The following FAM168A variants were observed in gnomAD, a reference collection of about 807,000 sequenced individuals.
FAM168A encodes the protein family with sequence similarity 168 member A.
In FAM168A, 3 loss-of-function variants were observed where a neutral mutation model predicts 28.5. The ratio of observed to expected loss-of-function variants is 0.11; its 90% CI spans 0.05 to 0.27. The LOEUF is 0.27. FAM168A is among the 10% of genes least tolerant of loss of function. The probability of loss-of-function intolerance (pLI) is 1.00; values close to 1 mark genes in which losing one functional copy is unlikely to be tolerated. For missense variants in FAM168A, 222 were observed against 311.5 expected (o/e 0.71, Z 2.16); for synonymous variants, 122 against 124.2 (o/e 0.98, Z 0.12).
At chr11:73,414,926 ACTTTC>A (rs1215008464) in intron 4 of FAM168A, among the ~76,000 whole-genome samples, 1 of 152,204 alleles carries the variant, frequency 6.6e-6, no homozygotes, top group East Asian at 1.9e-4. Context: ...GATGCTGATG[ACTTTC>A]CTTTATGCTC....
intron 3 of FAM168A, among the ~76,000 whole-genome samples, chr11:73,428,537 C>G (rs1223937187): frequency 6.6e-6 from 1 of 152,176 alleles, no homozygotes; most frequent in Non-Finnish European, 1.5e-5. Context: ...CTTACTTGAC[C>G]TTTTGCAACA....
intron 1 of FAM168A, among the ~76,000 whole-genome samples, chr11:73,485,597 C>T (rs1868042590): frequency 6.6e-6 from 1 of 152,140 alleles, no homozygotes; most frequent in African/African-American, 2.4e-5. Context: ...AGCTTTTTTA[C>T]TAAATTTACT....
chr11:73,423,123 T>C (rs1866826812), intron 3 of FAM168A, among the ~76,000 whole-genome samples: 1 of 152,234 alleles, frequency 6.6e-6, no homozygotes, highest in East Asian at 1.9e-4. Context: ...TGCTTCATAG[T>C]ACTGATGTGA....
intron 1 of FAM168A, among the ~76,000 whole-genome samples, chr11:73,530,694 G>A (rs899007370): frequency 6.6e-6 from 1 of 152,048 alleles, no homozygotes. Flanking sequence ...CTTTTAAGTA[G>A]TTAAAAACCT....
chr11:73,573,290 G>A (rs1944129303), intron 1 of FAM168A, among the ~76,000 whole-genome samples: 1 of 152,174 alleles, frequency 6.6e-6, no homozygotes, highest in South Asian at 2.1e-4. Context: ...CATCATGACG[G>A]AAGCTACAGT....
chr11:73,477,003 A>G (rs952604127), intron 1 of FAM168A, among the ~76,000 whole-genome samples: 2 of 152,194 alleles, frequency 1.3e-5, no homozygotes, highest in African/African-American at 2.4e-5. Context: ...ATTAGGTGGG[A>G]AAAATGGGAA....
rs548075811 is a variant in FAM168A, at chr11:73,505,241, G to GA, written c.-18-36750dup. On this transcript the variant is annotated intron_variant, in intron 1 of 7. Coordinates refer to ENST00000356467, the MANE Select transcript of FAM168A (RefSeq NM_015159.3). The stretch of plus-strand genomic sequence containing the variant: ...AAAAGTCATGGAGTTTTGCAAAAAG[G>GA]AAAAAAAAAAAAAAGAGCAAGGACT... 2.5e-3 allele frequency among the ~76,000 whole-genome samples: 324 copies of GA among 131,056 alleles called. 4 individuals carry two copies. The highest frequency in any genetic ancestry group is 0.023 in the South Asian group (94 of 4,040). 86.0% of individuals were successfully genotyped at this position (131,056 alleles called of 152,430 possible).
chr11:73,494,372 T>C (rs776166723), intron 1 of FAM168A, among the ~76,000 whole-genome samples: 2 of 152,160 alleles, frequency 1.3e-5, no homozygotes, highest in Non-Finnish European at 2.9e-5. Flanking sequence ...ACAAGAGATC[T>C]CCTGTGCTTA....
At chr11:73,523,647 C>G (rs1021672483) in intron 1 of FAM168A, among the ~76,000 whole-genome samples, 1 of 151,762 alleles carries the variant, frequency 6.6e-6, no homozygotes, top group Admixed American at 6.6e-5. Flanking sequence ...GGTTTCGCCA[C>G]GTTGCCCAGG....
At chr11:73,514,306 T>C (rs1321466329) in intron 1 of FAM168A, among the ~76,000 whole-genome samples, 3 of 152,036 alleles carry the variant, frequency 2.0e-5, no homozygotes, top group Non-Finnish European at 2.9e-5. Context: ...TTAAATGAAA[T>C]ATATAAACGC....
intron 3 of FAM168A, among the ~76,000 whole-genome samples, chr11:73,422,044 G>A (rs1319134790): frequency 6.6e-6 from 1 of 151,896 alleles, no homozygotes; most frequent in Non-Finnish European, 1.5e-5. Context: ...AGTGACTGAG[G>A]TCTACACTGC....
chr11:73,427,373 A>T (rs1347943851), intron 3 of FAM168A, among the ~76,000 whole-genome samples: 4 of 142,868 alleles, frequency 2.8e-5, no homozygotes, highest in African/African-American at 1.2e-4. Context: ...TTAAAATTAA[A>T]GCTGAATAAC....
At chr11:73,582,351 C>A (rs1944258398) in intron 1 of FAM168A, among the ~76,000 whole-genome samples, 1 of 151,854 alleles carries the variant, frequency 6.6e-6, no homozygotes, top group Non-Finnish European at 1.5e-5. Flanking sequence ...GAAACCCCAT[C>A]TCTACTAAAA....
chr11:73,576,054 G>T (rs933392833), intron 1 of FAM168A, among the ~76,000 whole-genome samples: 2 of 152,130 alleles, frequency 1.3e-5, no homozygotes, highest in Admixed American at 1.3e-4. Context: ...CAAATATTCA[G>T]ATGAATTAAA....
At chr11:73,423,917 A>G (rs1251639965) in intron 3 of FAM168A, among the ~76,000 whole-genome samples, 6 of 152,232 alleles carry the variant, frequency 3.9e-5, no homozygotes. Flanking sequence ...TCTATTTCAG[A>G]TGCTATAACT....
intron 1 of FAM168A, among the ~76,000 whole-genome samples, chr11:73,508,729 A>G (rs1855163397): frequency 6.6e-6 from 1 of 152,074 alleles, no homozygotes; most frequent in Admixed American, 6.5e-5. Flanking sequence ...TCAGTCTGTG[A>G]CCTGCTCTAT....
At chr11:73,503,890 A>G (rs569216797) in intron 1 of FAM168A, among the ~76,000 whole-genome samples, 1 of 152,342 alleles carries the variant, frequency 6.6e-6, no homozygotes, top group South Asian at 2.1e-4. Flanking sequence ...GTTAACAAAA[A>G]CAAGCACTGG....
chr11:73,455,555 T>C (rs1399235559), intron 2 of FAM168A, among the ~76,000 whole-genome samples: 1 of 152,238 alleles, frequency 6.6e-6, no homozygotes, highest in Non-Finnish European at 1.5e-5. Flanking sequence ...GTGTATTCTG[T>C]CTTCTTATAC....
intron 1 of FAM168A, among the ~76,000 whole-genome samples, chr11:73,511,615 T>A (rs951373338): frequency 2.6e-5 from 4 of 151,462 alleles, no homozygotes. Flanking sequence ...ATTTGCAAAT[T>A]TCAGAGAAAT....
Sources: allele counts gnomAD v4.1 joint callset (sites outside exome capture counted in the v4.1 genomes callset), GRCh38; gene constraint gnomAD v4.1.1; transcripts MANE v1.5; gene names NCBI Gene and HGNC (gene_info 2026-07-23, HGNC 2026-07-21).